Variants in PRPSAP2 observed in about 807,000 individuals in gnomAD.
PRPSAP2 encodes phosphoribosyl pyrophosphate synthase-associated protein 2.
PRPSAP2 carries 24 observed loss-of-function variants against 40.6 expected under a neutral mutation model. The ratio of observed to expected loss-of-function variants is 0.59; its 90% confidence interval spans 0.43 to 0.83. PRPSAP2 has a LOEUF of 0.83. Ranked by LOEUF, PRPSAP2 falls within the 40% of genes least tolerant of loss-of-function variation. The pLI, the probability that PRPSAP2 is intolerant of heterozygous loss-of-function variation, is 0.00. For missense variants in PRPSAP2, 292 were observed against 465.6 expected, an observed-to-expected ratio of 0.63 and a Z score of 3.43; for synonymous variants, 149 against 164.7, an observed-to-expected ratio of 0.90 and a Z score of 0.73.
At chr17:18,897,793 A>C (rs2151935228) in intron 8 of PRPSAP2, among the ~76,000 whole-genome samples, 1 of 151,502 alleles carries the variant, frequency 6.6e-6, no homozygotes, top group South Asian at 2.1e-4. Flanking sequence ...CACCTTATAT[A>C]GCTGTTTTAA....
At position 18,858,210 on chromosome 17, in the gene PRPSAP2, C is replaced by T. The variant is rs1175691678; in HGVS notation, c.-180C>T. On this transcript the variant is annotated 5_prime_UTR_variant, in exon 1 of 12. Coordinates refer to ENST00000268835, the MANE Select transcript of PRPSAP2 (RefSeq NM_002767.4). ...AGGCCGCCAGGAGACCCGGCGCTTTCTTCCTTCTGCAGCTGAGGCTGCGGC... is the reference window on the plus strand; with the variant it reads ...AGGCCGCCAGGAGACCCGGCGCTTTTTTCCTTCTGCAGCTGAGGCTGCGGC... The T allele has an allele frequency of 6.6e-6, 1 of 152,390 alleles. No individual in the cohort carries two copies. Among genetic ancestry groups the T allele is most frequent in the Non-Finnish European group, 1.5e-5 (1 of 68,112 alleles). The allele number at this position is 152,390 out of a possible 1,614,324, so 9.4% of individuals were successfully genotyped here. A position where few individuals can be genotyped will look rare whatever the true frequency, so the allele number is the denominator to read the frequency against.
At chr17:18,885,961 G>A (rs922154054) in intron 7 of PRPSAP2, among the ~76,000 whole-genome samples, 2 of 152,096 alleles carry the variant, frequency 1.3e-5, no homozygotes, top group African/African-American at 2.4e-5. Flanking sequence ...GAACTCCAGT[G>A]ATCTGCCTGC....
At chr17:18,875,526 C>T (rs1196042664) in intron 5 of PRPSAP2, among the ~76,000 whole-genome samples, 3 of 151,468 alleles carry the variant, frequency 2.0e-5, no homozygotes, top group African/African-American at 7.3e-5. Flanking sequence ...GATCACGCCA[C>T]TGGATTCCAG....
At chr17:18,913,541 C>CTGTTTTT (rs2041096078) in intron 9 of PRPSAP2, among the ~76,000 whole-genome samples, 1 of 73,950 alleles carries the variant, frequency 1.4e-5, no homozygotes, top group South Asian at 5.0e-4. Context: ...GCGTCTGGTT[C>CTGTTTTT]TTTTTTTTTT....
At chr17:18,928,687 C>A in intron 10 of PRPSAP2, 124 bp from the exon 11 acceptor site, 1 of 1,335,118 alleles carries the variant, frequency 7.5e-7, no homozygotes, top group Non-Finnish European at 1.0e-6. Context: ...GCCGTCTGCA[C>A]AAGGCCAAGT....
At chr17:18,893,153 CTTTTTT>C (rs71355574) in intron 8 of PRPSAP2, among the ~76,000 whole-genome samples, 1 of 124,982 alleles carries the variant, frequency 8.0e-6, no homozygotes. Flanking sequence ...TTCAATTTAT[CTTTTTT>C]TTTTTTTTTT....
At chr17:18,908,771 G>A (rs953598885) in intron 8 of PRPSAP2, 7 of 705,886 alleles carry the variant, frequency 9.9e-6, no homozygotes, top group East Asian at 2.6e-5. Flanking sequence ...AGAAAGGATC[G>A]GGCAAAAACG....
chr17:18,928,819 C>G lies in PRPSAP2; in HGVS notation c.813C>G (p.Ile271Met). 1 of 1,613,836 alleles carries G rather than the reference C, an allele frequency of 6.2e-7. No individual in the cohort carries two copies. Among genetic ancestry groups the G allele is most frequent in the South Asian group, 1.1e-5 (1 of 91,054 alleles). The change falls in exon 11 of 12, where the codon ATC becomes ATG. Residue 271 changes from isoleucine (I) to methionine (M), a missense_variant. Coordinates refer to ENST00000268835, the MANE Select transcript of PRPSAP2 (RefSeq NM_002767.4). ...CATCTGTGCTTTGGCAGGATGACAT[C>G]ATTGATGATGTTGACAGCTTTCTTG... ...GGRIAIIVDD[I>M]IDDVDSFLAA...
At chr17:18,904,799 G>A (rs2040480823) in intron 8 of PRPSAP2, 1 of 152,150 alleles carries the variant, frequency 6.6e-6, no homozygotes, top group Admixed American at 6.6e-5. Context: ...GAGGCCCTGT[G>A]TCTTGTTCTT....
At chr17:18,869,691 TG>T (rs1233791828) in intron 4 of PRPSAP2, among the ~76,000 whole-genome samples, 2 of 151,426 alleles carry the variant, frequency 1.3e-5, no homozygotes, top group Non-Finnish European at 2.9e-5. Flanking sequence ...TTTTTTTTTT[TG>T]ATACGGGGCT....
intron 8 of PRPSAP2, among the ~76,000 whole-genome samples, chr17:18,901,736 G>A (rs1340670294): frequency 1.3e-5 from 2 of 151,798 alleles, no homozygotes; most frequent in Non-Finnish European, 2.9e-5. Context: ...GGTGGCAGAA[G>A]GAGTATTAAT....
chr17:18,884,105 T>C (rs4319824), intron 7 of PRPSAP2, among the ~76,000 whole-genome samples: 80,159 of 151,544 alleles, frequency 0.53, 21,444 homozygotes, highest in Middle Eastern at 0.6. Flanking sequence ...CCATCTCTAC[T>C]AAAAATACAT....
intron 6 of PRPSAP2, among the ~76,000 whole-genome samples, chr17:18,881,471 C>G (rs1430541350): frequency 2.0e-5 from 3 of 151,820 alleles, no homozygotes; most frequent in African/African-American, 7.3e-5. Context: ...CTCCTGACCT[C>G]AGGTGATCCA....
At chr17:18,928,653 A>C (rs572036128) in intron 10 of PRPSAP2, 158 bp from the exon 11 acceptor site, 1 of 860,544 alleles carries the variant, frequency 1.2e-6, no homozygotes, top group African/African-American at 1.7e-5. Context: ...GCCATGGGGC[A>C]CGGTGATGGG....
chr17:18,877,867 G>C lies in PRPSAP2; in HGVS notation c.409G>C (p.Ala137Pro). ...ATTGCTGGCTTCCATGATGTGCAAA[G>C]CTGGTAAGAATGGCAGATGTTTCAC... ...SKLLASMMCK[A>P]GLTHLITMDL... The change falls in exon 6 of 12, where the codon GCT becomes CCT. Residue 137 changes from alanine (A) to proline (P), a missense_variant. Physicochemically the swap from Ala to Pro is conservative, Grantham distance 27. This residue lies in a region of PRPSAP2 where 241 missense variants were observed against 425.7 expected (regional missense o/e 0.57). Coordinates refer to ENST00000268835, the MANE Select transcript of PRPSAP2 (RefSeq NM_002767.4). The C allele has an allele frequency of 2.5e-6, 4 of 1,596,444 alleles. No homozygotes were observed. The highest frequency in any genetic ancestry group is 3.4e-6 in the Non-Finnish European group (4 of 1,173,602).
chr17:18,870,046 A>G (rs2037747346), intron 4 of PRPSAP2, among the ~76,000 whole-genome samples: 1 of 151,928 alleles, frequency 6.6e-6, no homozygotes, highest in African/African-American at 2.4e-5. Flanking sequence ...ACGGGCTTTC[A>G]CCATGTTGGC....
intron 6 of PRPSAP2, among the ~76,000 whole-genome samples, chr17:18,882,033 G>T (rs912343820): frequency 5.4e-5 from 8 of 147,376 alleles, no homozygotes; most frequent in Non-Finnish European, 1.2e-4. Context: ...TAAAGATGGG[G>T]TTTCATCATA....
chr17:18,925,210 A>G (rs1310031361), intron 10 of PRPSAP2, among the ~76,000 whole-genome samples: 1 of 152,212 alleles, frequency 6.6e-6, no homozygotes, highest in African/African-American at 2.4e-5. Context: ...GCACAAAAAG[A>G]GTGCACTTCA....
chr17:18,911,063 C>T lies in PRPSAP2; in HGVS notation c.585-40C>T. On this transcript the variant is annotated intron_variant, in intron 8 of 11. Coordinates refer to ENST00000268835, the MANE Select transcript of PRPSAP2 (RefSeq NM_002767.4). The surrounding 1 kb of genome is among the most constrained non-coding windows in gnomAD (Gnocchi z 4.5). ...CCCTAGGCATTAGCAGAACCAAGGG[C>T]TGCATGAGTTTTGAGCTTGTGTCTG... is the stretch of plus-strand genomic sequence containing the variant. The T allele has an allele frequency of 6.4e-7, 1 of 1,568,928 alleles. No homozygotes were observed. Among genetic ancestry groups the T allele is most frequent in the Non-Finnish European group, 8.7e-7 (1 of 1,152,402 alleles).
Sources: gnomAD v4.1 joint callset for allele counts (sites outside exome capture counted in the v4.1 genomes callset) on GRCh38, gnomAD v4.1.1 for gene constraint, gnomAD v4.1.1 regional missense constraint, Gnocchi (gnomAD v3.1) non-coding constraint, MANE v1.5 for transcripts, NCBI Gene and HGNC (gene_info 2026-07-23, HGNC 2026-07-21) for gene names.